The following RCOR3 variants were observed in gnomAD, a reference collection of about 807,000 sequenced individuals.
RCOR3 encodes REST corepressor 3.
RCOR3 carries 13 observed loss-of-function variants against 64.1 expected under a neutral mutation model. That is an observed-to-expected ratio of 0.20 (90% CI 0.13 to 0.32). The LOEUF is 0.32. RCOR3 is among the 10% of genes least tolerant of loss of function. The pLI is 1.00. For missense variants in RCOR3, 489 were observed against 701.2 expected, an observed-to-expected ratio of 0.70 and a Z score of 3.42; for synonymous variants, 215 against 239.0, an observed-to-expected ratio of 0.90 and a Z score of 0.93.
intron 9 of RCOR3, chr1:211,303,832 A>G (rs547205857): frequency 1.1e-5 from 3 of 285,282 alleles, no homozygotes; most frequent in South Asian, 7.9e-5. Context: ...ATGTTTTGAT[A>G]TCTCTAATTA....
chr1:211,312,063 C>T lies in RCOR3; in HGVS notation c.1076-657C>T, dbSNP rs888297031. ...TTCATCCATTCAGTCTTTAAAACTA[C>T]TAGATGAGTTAAAATCCAACTGACT... On this transcript the variant is annotated intron_variant, in intron 10 of 11. Transcript: ENST00000419091. The surrounding 1 kb of genome is among the most constrained non-coding windows in gnomAD (Gnocchi z 5.0). 2.0e-5 allele frequency among the ~76,000 whole-genome samples: 3 copies of T among 152,110 alleles called. No individual in the cohort carries two copies. The highest frequency in any genetic ancestry group is 2.1e-4 in the South Asian group (1 of 4,830).
intron 2 of RCOR3, among the ~76,000 whole-genome samples, chr1:211,262,891 CTTTAAG>C (rs1165456923): frequency 7.3e-6 from 1 of 136,218 alleles, no homozygotes; most frequent in Non-Finnish European, 1.6e-5. Flanking sequence ...TATTATTATA[CTTTAAG>C]TTTTAGGGTA....
At chr1:211,271,353 C>T in intron 3 of RCOR3, 44 bp downstream of exon 3, 1 of 1,487,680 alleles carries the variant, frequency 6.7e-7, no homozygotes, top group African/African-American at 1.4e-5. Flanking sequence ...AGGAGTTTAT[C>T]AGCCAATTCA....
intron 2 of RCOR3, among the ~76,000 whole-genome samples, chr1:211,265,244 T>C (rs1694987679): frequency 6.6e-6 from 1 of 151,924 alleles, no homozygotes; most frequent in South Asian, 2.1e-4. Context: ...TCTTTATCTG[T>C]ATTTTAAATG....
At chr1:211,297,289 T>C (rs1448649664) in intron 9 of RCOR3, among the ~76,000 whole-genome samples, 2 of 152,154 alleles carry the variant, frequency 1.3e-5, no homozygotes. Context: ...ATGTGCTATC[T>C]CATTTGATTT....
chr1:211,262,877 T>C (rs1438691735), intron 2 of RCOR3, among the ~76,000 whole-genome samples: 1 of 152,044 alleles, frequency 6.6e-6, no homozygotes, highest in African/African-American at 2.4e-5. Context: ...CAACTTTTTT[T>C]TTTTATTATT....
chr1:211,288,612 T>G (rs1292012190), intron 7 of RCOR3, among the ~76,000 whole-genome samples: 1 of 148,830 alleles, frequency 6.7e-6, no homozygotes, highest in Non-Finnish European at 1.5e-5. Flanking sequence ...TTTATTTTAT[T>G]TAATCATAGA....
In RCOR3 at chr1:211,312,690, C is replaced by T; in HGVS notation, c.1076-30C>T. 6.7e-7 allele frequency: 1 copy of T among 1,485,754 alleles called. No individual in the cohort carries two copies. Among genetic ancestry groups the T allele is most frequent in the Non-Finnish European group, 9.4e-7 (1 of 1,064,110 alleles). 92.0% of individuals were successfully genotyped at this position (1,485,754 alleles called of 1,614,324 possible). ...CACACAGCTCTCCTTATTGATCCTTCACAGGTGTATTATTTACTTTGCCTT... is the reference window on the plus strand; with the variant it reads ...CACACAGCTCTCCTTATTGATCCTTTACAGGTGTATTATTTACTTTGCCTT... On this transcript the variant is annotated intron_variant, in intron 10 of 11. Transcript: ENST00000419091. The surrounding 1 kb of genome is among the most constrained non-coding windows in gnomAD (Gnocchi z 5.0).
At chr1:211,310,378 A>G (rs1701356272) in intron 10 of RCOR3, among the ~76,000 whole-genome samples, 1 of 152,200 alleles carries the variant, frequency 6.6e-6, no homozygotes, top group South Asian at 2.1e-4. Flanking sequence ...ATTTGTTGGA[A>G]TATCTAGGTT....
intron 3 of RCOR3, among the ~76,000 whole-genome samples, chr1:211,272,811 C>T (rs868048305): frequency 1.3e-5 from 2 of 150,554 alleles, no homozygotes; most frequent in East Asian, 1.9e-4. Context: ...TTAGTAGAGA[C>T]GGGGTTTCAC....
chr1:211,271,263 A>G lies in RCOR3; in HGVS notation c.255A>G (p.Gly85=). The change falls in exon 3 of 12, where the codon GGA becomes GGG. Residue 85 remains glycine, a synonymous_variant. Coordinates refer to ENST00000419091, the MANE Select transcript of RCOR3 (RefSeq NM_001136223.3). ...GATKYTDKDN[G]GMLVWSPYHS... The stretch of plus-strand genomic sequence containing the variant: ...CAAAGTACACAGATAAAGACAATGG[A>G]GGGATGCTTGTATGGTCTCCATATC... The G allele has an allele frequency of 6.2e-7, 1 of 1,613,898 alleles. No individual in the cohort carries two copies. Among genetic ancestry groups the G allele is most frequent in the Non-Finnish European group, 8.5e-7 (1 of 1,179,872 alleles).
chr1:211,313,900 C>A lies in RCOR3; in HGVS notation c.*132C>A. ...TGCGAACTAGTTCTGTGGCAGTGGA[C>A]TAGCATAAGTGGATGTCTAAGAAAT... On this transcript the variant is annotated 3_prime_UTR_variant, in exon 12 of 12. Transcript: ENST00000419091. This position sits in a 1 kb window ranked among gnomAD's most constrained non-coding sequence, Gnocchi z 4.7. 1 of 857,152 alleles carries A rather than the reference C, an allele frequency of 1.2e-6. No homozygotes were observed. The highest frequency in any genetic ancestry group is 1.8e-6 in the Non-Finnish European group (1 of 568,656). 53.1% of individuals were successfully genotyped at this position (857,152 alleles called of 1,614,324 possible).
At chr1:211,267,969 AT>A (rs1695489949) in intron 2 of RCOR3, 1 of 279,374 alleles carries the variant, frequency 3.6e-6, no homozygotes, top group Non-Finnish European at 7.1e-6. Context: ...TAATGAAGAT[AT>A]TTTAATTCAG....
chr1:211,309,459 A>G (rs1435398867), intron 10 of RCOR3, among the ~76,000 whole-genome samples: 2 of 152,252 alleles, frequency 1.3e-5, no homozygotes, highest in African/African-American at 2.4e-5. Flanking sequence ...TAAAGATTAT[A>G]AGATATCATC....
In RCOR3 at chr1:211,289,370, A is replaced by G. The variant is rs762347048; in HGVS notation, c.913A>G (p.Met305Val). ...AANTILRQLDMELISLKRQVQ... is the reference protein window; with the variant it reads ...AANTILRQLDVELISLKRQVQ... ...CAACACCATCCTGAGGCAACTGGACATGGAGTTGATCTCTCTAAAACGTCA... is the reference window on the plus strand; with the variant it reads ...CAACACCATCCTGAGGCAACTGGACGTGGAGTTGATCTCTCTAAAACGTCA... Residue 305 changes from methionine to valine, a missense_variant, in exon 8 of 12, where the codon ATG becomes GTG. By Grantham distance (21) the Met-to-Val change is conservative. This residue lies in a region of RCOR3 where 402 missense variants were observed against 617.0 expected (regional missense o/e 0.65). Transcript: ENST00000419091. 6.2e-7 allele frequency: 1 copy of G among 1,614,018 alleles called. No homozygotes were observed. Among genetic ancestry groups the G allele is most frequent in the Non-Finnish European group, 8.5e-7 (1 of 1,179,876 alleles).
chr1:211,274,475 A>G (rs1696672676), intron 4 of RCOR3, among the ~76,000 whole-genome samples: 3 of 152,062 alleles, frequency 2.0e-5, no homozygotes, highest in South Asian at 2.1e-4. Context: ...TTTTCTTTCA[A>G]TATATCTGTT....
chr1:211,302,049 A>C (rs1040202970), intron 9 of RCOR3: 3 of 152,232 alleles, frequency 2.0e-5, no homozygotes, highest in Non-Finnish European at 2.9e-5. Flanking sequence ...AAGATCCTCG[A>C]TATCCAACTG....
intron 9 of RCOR3, among the ~76,000 whole-genome samples, chr1:211,296,101 T>G (rs1699838473): frequency 6.6e-6 from 1 of 152,186 alleles, no homozygotes; most frequent in South Asian, 2.1e-4. Context: ...TTCCTGCTTG[T>G]GTGAATTGGT....
At position 211,313,210 on chromosome 1, in the gene RCOR3, A is replaced by G; in HGVS notation, c.1318-214A>G. On this transcript the variant is annotated intron_variant, in intron 11 of 11. Transcript: ENST00000419091. The surrounding 1 kb of genome is among the most constrained non-coding windows in gnomAD (Gnocchi z 4.7). ...TTATTTTCAGTGTTAAGCTGTTTAC[A>G]AATAAAGATGCCTGTTTGGTAGCCT... is the stretch of plus-strand genomic sequence containing the variant. 1 of 1,431,230 alleles carries G rather than the reference A, an allele frequency of 7.0e-7. No individual in the cohort carries two copies. Among genetic ancestry groups the G allele is most frequent in the Non-Finnish European group, 9.1e-7 (1 of 1,099,500 alleles). The allele number at this position is 1,431,230 out of a possible 1,614,324, so 88.7% of individuals were successfully genotyped here.
Sources: gnomAD v4.1 joint callset for allele counts (sites outside exome capture counted in the v4.1 genomes callset) on GRCh38, gnomAD v4.1.1 for gene constraint, gnomAD v4.1.1 regional missense constraint, Gnocchi (gnomAD v3.1) non-coding constraint, MANE v1.5 for transcripts, NCBI Gene and HGNC (gene_info 2026-07-23, HGNC 2026-07-21) for gene names.